The following PLEKHM3 variants were observed in gnomAD, a reference collection of about 807,000 sequenced individuals.
The protein encoded by PLEKHM3 is pleckstrin homology domain containing M3, also known as pleckstrin homology domain-containing family M member 3.
Under a neutral mutation model 81.8 loss-of-function variants are expected in PLEKHM3, and 45 were observed. That is an observed-to-expected ratio of 0.55 (90% CI 0.43 to 0.71). The LOEUF is 0.71. Among genes scored for constraint, PLEKHM3 ranks in the 30% least tolerant of loss-of-function variants. The pLI is 0.00. For missense variants in PLEKHM3, 788 were observed against 924.3 expected (o/e 0.85, Z 1.91); for synonymous variants, 352 against 356.4 (o/e 0.99, Z 0.14).
intron 7 of PLEKHM3, among the ~76,000 whole-genome samples, chr2:207,855,581 G>C (rs2092433572): frequency 6.6e-6 from 1 of 152,122 alleles, no homozygotes; most frequent in Admixed American, 6.5e-5. Flanking sequence ...GGGAGGAAGA[G>C]GAATTTCATG....
At chr2:207,871,167 G>A (rs1393916420) in intron 6 of PLEKHM3, among the ~76,000 whole-genome samples, 1 of 152,126 alleles carries the variant, frequency 6.6e-6, no homozygotes, top group Non-Finnish European at 1.5e-5. Context: ...TCAAAAAGTT[G>A]TTCAAAACTC....
intron 1 of PLEKHM3, among the ~76,000 whole-genome samples, chr2:208,008,027 T>C (rs1692554768): frequency 6.6e-6 from 1 of 152,156 alleles, no homozygotes; most frequent in South Asian, 2.1e-4. Context: ...CACTCCAGCC[T>C]GGGCGACAGA....
chr2:207,829,820 GCTT>G (rs1451953975), intron 7 of PLEKHM3, among the ~76,000 whole-genome samples: 3 of 152,128 alleles, frequency 2.0e-5, no homozygotes, highest in Admixed American at 6.5e-5. Flanking sequence ...TCAGCCTCAG[GCTT>G]CTTTTGCTTT....
chr2:207,829,723 T>C (rs942180877), intron 7 of PLEKHM3, among the ~76,000 whole-genome samples: 1 of 152,082 alleles, frequency 6.6e-6, no homozygotes, highest in Non-Finnish European at 1.5e-5. Context: ...ATTGCACCTG[T>C]GTAATTTTGT....
chr2:207,853,721 A>C (rs2092424548), intron 7 of PLEKHM3, among the ~76,000 whole-genome samples: 1 of 152,046 alleles, frequency 6.6e-6, no homozygotes, highest in Non-Finnish European at 1.5e-5. Flanking sequence ...GCGACCTAGC[A>C]AGTCGCCAAA....
At chr2:207,878,315 A>C (rs1026912507) in intron 6 of PLEKHM3, among the ~76,000 whole-genome samples, 3 of 151,948 alleles carry the variant, frequency 2.0e-5, no homozygotes, top group Non-Finnish European at 4.4e-5. Context: ...TAAAAAAAAA[A>C]CTATTATTTC....
At chr2:207,860,693 G>A (rs1011175778) in intron 7 of PLEKHM3, among the ~76,000 whole-genome samples, 1 of 152,174 alleles carries the variant, frequency 6.6e-6, no homozygotes, top group Non-Finnish European at 1.5e-5. Flanking sequence ...GGCAGCAGCT[G>A]CTCACCAGTG....
At chr2:207,951,459 T>C (rs577830225) in intron 3 of PLEKHM3, among the ~76,000 whole-genome samples, 89 of 152,322 alleles carry the variant, frequency 5.8e-4, no homozygotes, top group African/African-American at 2.1e-3. Flanking sequence ...CCAGACTCTT[T>C]TTGAAACTTT....
chr2:207,878,769 T>C (rs1158028124), intron 6 of PLEKHM3, among the ~76,000 whole-genome samples: 1 of 152,212 alleles, frequency 6.6e-6, no homozygotes, highest in Non-Finnish European at 1.5e-5. Flanking sequence ...GGAGCTGGAC[T>C]CTCAGAGCTT....
At chr2:207,975,064 G>A (rs1270448041) in intron 3 of PLEKHM3, among the ~76,000 whole-genome samples, 1 of 152,054 alleles carries the variant, frequency 6.6e-6, no homozygotes, top group Non-Finnish European at 1.5e-5. Flanking sequence ...TCCTGACCTT[G>A]TGATCCGCCC....
chr2:207,990,263 T>A (rs1270992273), intron 2 of PLEKHM3, among the ~76,000 whole-genome samples: 1 of 152,200 alleles, frequency 6.6e-6, no homozygotes, highest in African/African-American at 2.4e-5. Flanking sequence ...TCATATGGCT[T>A]TGAAGGTCCT....
chr2:207,951,985 A>G (rs1003818371), intron 3 of PLEKHM3, among the ~76,000 whole-genome samples: 1 of 152,196 alleles, frequency 6.6e-6, no homozygotes, highest in Non-Finnish European at 1.5e-5. Flanking sequence ...GACCTCATAC[A>G]GTGCTAAGTG....
rs551960346 is a variant in PLEKHM3 at position 207,870,285 on chromosome 2, C to T, written c.1951-9023G>A. ...GAAAAAGCTCTTTCTCATCAAATTT[C>T]CTTATGCATTGGCTAATTCCTTCCC... On this transcript the variant is annotated intron_variant, in intron 6 of 7. Coordinates refer to ENST00000427836, the MANE Select transcript of PLEKHM3 (RefSeq NM_001080475.3). 7.4e-4 allele frequency among the ~76,000 whole-genome samples: 112 copies of T among 152,326 alleles called. No individual in the cohort carries two copies. In the Middle Eastern group the frequency reaches 0.014, roughly 19 times the overall value.
At chr2:207,957,968 C>G (rs1339705248) in intron 3 of PLEKHM3, among the ~76,000 whole-genome samples, 1 of 152,074 alleles carries the variant, frequency 6.6e-6, no homozygotes, top group Non-Finnish European at 1.5e-5. Flanking sequence ...ACATTGCTAA[C>G]CATCCTACAA....
chr2:207,946,025 T>C (rs1690114994), intron 4 of PLEKHM3, among the ~76,000 whole-genome samples: 1 of 152,264 alleles, frequency 6.6e-6, no homozygotes, highest in African/African-American at 2.4e-5. Flanking sequence ...TGTTCATGCA[T>C]GTATTATTTT....
At chr2:207,939,261 C>A (rs1269766681) in intron 4 of PLEKHM3, among the ~76,000 whole-genome samples, 2 of 151,962 alleles carry the variant, frequency 1.3e-5, no homozygotes, top group African/African-American at 4.8e-5. Flanking sequence ...GTGTCAAGTA[C>A]AAGAAGCAGA....
At chr2:208,021,927 T>A (rs1011047512) in intron 1 of PLEKHM3, among the ~76,000 whole-genome samples, 1 of 152,242 alleles carries the variant, frequency 6.6e-6, no homozygotes, top group Non-Finnish European at 1.5e-5. Context: ...GATGACACCA[T>A]AATTTGTTCC....
chr2:207,888,671 G>A (rs1171211568), intron 6 of PLEKHM3, among the ~76,000 whole-genome samples: 2 of 152,228 alleles, frequency 1.3e-5, no homozygotes, highest in African/African-American at 4.8e-5. Flanking sequence ...TGGGATTACA[G>A]GCGTAAGCCA....
At chr2:207,980,304 T>C (rs977017834) in intron 2 of PLEKHM3, among the ~76,000 whole-genome samples, 1 of 152,124 alleles carries the variant, frequency 6.6e-6, no homozygotes, top group African/African-American at 2.4e-5. Flanking sequence ...AAACCTCACT[T>C]CTTTCTAACT....
Sources: allele counts gnomAD v4.1 joint callset (sites outside exome capture counted in the v4.1 genomes callset), GRCh38; gene constraint gnomAD v4.1.1; transcripts MANE v1.5; gene names NCBI Gene and HGNC (gene_info 2026-07-23, HGNC 2026-07-21).